The following CNTNAP2 variants were observed in gnomAD, a reference collection of about 807,000 sequenced individuals.
CNTNAP2 encodes contactin-associated protein-like 2.
Under a neutral mutation model 155.2 loss-of-function variants are expected in CNTNAP2, and 98 were observed. The observed-to-expected ratio is 0.63, with a 90% confidence interval of 0.54 to 0.75. CNTNAP2 has a LOEUF of 0.75. Among genes scored for constraint, CNTNAP2 ranks in the 30% least tolerant of loss-of-function variants. The pLI, the probability that CNTNAP2 is intolerant of heterozygous loss-of-function variation, is 0.00. For synonymous variants in CNTNAP2, 651 were observed against 631.2 expected (o/e 1.03, Z -0.47); for missense variants, 1,727 against 1,688.1 (o/e 1.02, Z -0.40).
rs369047351 is a variant in CNTNAP2 at position 146,870,415 on chromosome 7, A to G, written c.402+30511A>G. Reference sequence around the variant, plus strand: ...TGATGGTTGTTTTTATTTCTGTGAGATCAGTAGTAACATTCCCTTTGTCAT... The same window carrying G: ...TGATGGTTGTTTTTATTTCTGTGAGGTCAGTAGTAACATTCCCTTTGTCAT... On this transcript the variant is annotated intron_variant, in intron 3 of 23. Transcript: ENST00000361727. Among the ~76,000 whole-genome samples the G allele has an allele frequency of 6.8e-4, 103 of 152,172 alleles. 1 individual carries two copies. The highest frequency in any genetic ancestry group is 2.4e-3 in the African/African-American group (98 of 41,528).
At chr7:147,470,046 T>A (rs1291371075) in intron 10 of CNTNAP2, among the ~76,000 whole-genome samples, 1 of 152,140 alleles carries the variant, frequency 6.6e-6, no homozygotes, top group Non-Finnish European at 1.5e-5. Context: ...AGGAATTGAA[T>A]GAGGTGGGGT....
At chr7:147,782,781 C>T (rs372178997) in intron 13 of CNTNAP2, among the ~76,000 whole-genome samples, 23 of 152,242 alleles carry the variant, frequency 1.5e-4, no homozygotes, top group East Asian at 1.2e-3. Flanking sequence ...GCTCCACCCG[C>T]TAATTTTACT....
Position 146,200,270 on chromosome 7 carries a change from C to T in CNTNAP2, c.97+83297C>T, listed in dbSNP as rs189687700. Among the ~76,000 whole-genome samples the T allele has an allele frequency of 9.0e-3, 1,366 of 151,986 alleles. 23 individuals are homozygous for T. The highest frequency in any genetic ancestry group is 0.032 in the African/African-American group (1,316 of 41,460). ...CAGCACTTTGGGAGGCTGAGGCGGG[C>T]GGATCACGATGTCAAGAGATCGAAA... On this transcript the variant is annotated intron_variant, in intron 1 of 23. Coordinates refer to ENST00000361727, the MANE Select transcript of CNTNAP2 (RefSeq NM_014141.6).
intron 12 of CNTNAP2, among the ~76,000 whole-genome samples, chr7:147,637,457 T>C (rs1184526992): frequency 6.6e-6 from 1 of 152,174 alleles, no homozygotes; most frequent in African/African-American, 2.4e-5. Context: ...GGAGTTGCCA[T>C]GTACCAAAAT....
At chr7:148,266,915 T>C in intron 20 of CNTNAP2, 118 bp from the exon 21 acceptor site, 2 of 920,810 alleles carry the variant, frequency 2.2e-6, no homozygotes, top group Non-Finnish European at 3.6e-6. Flanking sequence ...TCAGTGCTGA[T>C]GAAATAAGAT....
chr7:147,936,930 C>A (rs1432469681), intron 14 of CNTNAP2, among the ~76,000 whole-genome samples: 1 of 152,106 alleles, frequency 6.6e-6, no homozygotes, highest in Non-Finnish European at 1.5e-5. Context: ...GCTCTGGCAG[C>A]CATCAGTAAT....
At chr7:147,777,495 C>G (rs1797603120) in intron 13 of CNTNAP2, among the ~76,000 whole-genome samples, 1 of 152,180 alleles carries the variant, frequency 6.6e-6, no homozygotes, top group Non-Finnish European at 1.5e-5. Context: ...GAGCCCGGTT[C>G]CCCTGTTGAG....
At chr7:146,468,635 T>G (rs561068070) in intron 1 of CNTNAP2, among the ~76,000 whole-genome samples, 21 of 152,280 alleles carry the variant, frequency 1.4e-4, no homozygotes, top group Middle Eastern at 3.4e-3. Context: ...TAGTTTTTTT[T>G]GTTTGTTTGT....
chr7:146,121,119 C>CTTTTTTTTT lies in CNTNAP2; in HGVS notation c.97+4165_97+4173dup, dbSNP rs745449281. Among the ~76,000 whole-genome samples the CTTTTTTTTT allele has an allele frequency of 9.2e-3, 603 of 65,792 alleles. 50 individuals carry two copies. The highest frequency in any genetic ancestry group is 0.013 in the Non-Finnish European group (437 of 34,826). 43.2% of individuals were successfully genotyped at this position (65,792 alleles called of 152,430 possible). Reference sequence around the variant, plus strand: ...TGTCTTAAAGTTTACATAAAGCTTCCTTTTTTTTTTTTTTTTTTTTTTTTT... The same window carrying CTTTTTTTTT: ...TGTCTTAAAGTTTACATAAAGCTTCCTTTTTTTTTTTTTTTTTTTTTTTTTTTTTTTTTT... On this transcript the variant is annotated intron_variant, in intron 1 of 23. Coordinates refer to ENST00000361727, the MANE Select transcript of CNTNAP2 (RefSeq NM_014141.6).
chr7:147,148,234 C>CA (rs1485893771), intron 8 of CNTNAP2, among the ~76,000 whole-genome samples: 236 of 151,380 alleles, frequency 1.6e-3, no homozygotes, highest in African/African-American at 5.5e-3. Context: ...ACTAAAAATA[C>CA]AAAAAAATAG....
At chr7:146,181,881 C>G (rs1205136937) in intron 1 of CNTNAP2, among the ~76,000 whole-genome samples, 2 of 152,074 alleles carry the variant, frequency 1.3e-5, no homozygotes, top group Admixed American at 6.6e-5. Flanking sequence ...GCATGGCACT[C>G]TTGATATTGT....
intron 1 of CNTNAP2, among the ~76,000 whole-genome samples, chr7:146,355,261 C>G (rs7800227): frequency 6.6e-6 from 1 of 152,060 alleles, no homozygotes; most frequent in South Asian, 2.1e-4. Flanking sequence ...AAGCCATAGC[C>G]AGTACATAAA....
intron 1 of CNTNAP2, among the ~76,000 whole-genome samples, chr7:146,566,945 A>ATTTTTAT (rs1554449641): frequency 6.6e-6 from 1 of 152,044 alleles, no homozygotes; most frequent in Non-Finnish European, 1.5e-5. Context: ...TTACTTATTT[A>ATTTTTAT]TTTTTTATTT....
chr7:147,649,366 G>C (rs1795415885), intron 13 of CNTNAP2, among the ~76,000 whole-genome samples: 1 of 152,068 alleles, frequency 6.6e-6, no homozygotes, highest in Admixed American at 6.6e-5. Context: ...ACTTATTCTA[G>C]TATAGAATAA....
chr7:146,717,031 C>A (rs1801200546), intron 1 of CNTNAP2, among the ~76,000 whole-genome samples: 2 of 148,498 alleles, frequency 1.3e-5, no homozygotes, highest in African/African-American at 5.0e-5. Context: ...AGATTGGTTT[C>A]TTAACTGGTT....
intron 4 of CNTNAP2, among the ~76,000 whole-genome samples, chr7:147,060,850 C>A (rs113293567): frequency 3.4e-5 from 5 of 149,186 alleles, no homozygotes; most frequent in Non-Finnish European, 5.9e-5. Flanking sequence ...GGGGACAGAG[C>A]GAGACTCTGT....
intron 1 of CNTNAP2, among the ~76,000 whole-genome samples, chr7:146,309,629 C>T (rs1800783805): frequency 6.6e-6 from 1 of 151,936 alleles, no homozygotes; most frequent in African/African-American, 2.4e-5. Flanking sequence ...TGGTGAAACC[C>T]TGTCTTTACT....
intron 1 of CNTNAP2, among the ~76,000 whole-genome samples, chr7:146,665,791 A>AAAAAAAAAAAAAAAAAAAAAAAAAACAAC (rs1800182453): frequency 6.9e-6 from 1 of 145,816 alleles, no homozygotes; most frequent in East Asian, 1.9e-4. Flanking sequence ...ATTAAAAAAA[A>AAAAAAAAAAAAAAAAAAAAAAAAAACAAC]AAAAAAATAC....
At chr7:147,214,752 T>A (rs146291180) in intron 8 of CNTNAP2, among the ~76,000 whole-genome samples, 4 of 152,128 alleles carry the variant, frequency 2.6e-5, no homozygotes, top group Non-Finnish European at 5.9e-5. Flanking sequence ...CCCCCACACA[T>A]GCATAGCCTC....
Sources: allele counts gnomAD v4.1 joint callset (sites outside exome capture counted in the v4.1 genomes callset), GRCh38; gene constraint gnomAD v4.1.1; transcripts MANE v1.5; gene names NCBI Gene and HGNC (gene_info 2026-07-23, HGNC 2026-07-21).